TRIQK: variants seen among roughly 807,000 people sequenced by gnomAD.
TRIQK encodes triple QxxK/R motif-containing protein.
A neutral mutation model predicts 10.8 loss-of-function variants in TRIQK; 10 were observed. The ratio of observed to expected loss-of-function variants is 0.92; its 90% CI spans 0.57 to 1.57. The LOEUF (loss-of-function observed/expected upper bound fraction) is 1.57, where lower values mean the gene tolerates loss of function less well. TRIQK is among the 40% of genes most tolerant of loss of function. TRIQK has a pLI of 0.00. For missense variants in TRIQK, 107 were observed against 97.7 expected (o/e 1.09, Z -0.40); for synonymous variants, 33 against 33.7 (o/e 0.98, Z 0.07).
chr8:92,886,604 G>C lies in TRIQK; in HGVS notation c.*18C>G, dbSNP rs1262557340. 1 of 1,441,298 alleles carries C rather than the reference G, an allele frequency of 6.9e-7. No homozygotes were observed. Among genetic ancestry groups the C allele is most frequent in the Non-Finnish European group, 9.3e-7 (1 of 1,075,772 alleles). 89.3% of individuals were successfully genotyped at this position (1,441,298 alleles called of 1,614,324 possible). A position where few individuals can be genotyped will look rare whatever the true frequency, so the allele number is the denominator to read the frequency against. ...TTTCGTAAAGTTATTTCTCTTTCAT[G>C]CATTGATTGTTGCTTAGCTAATCTT... On this transcript the variant is annotated 3_prime_UTR_variant, in exon 5 of 5. Transcript: ENST00000521988.
chr8:93,009,122 T>G (rs1305247974), intron 1 of TRIQK, among the ~76,000 whole-genome samples: 2 of 152,154 alleles, frequency 1.3e-5, no homozygotes, highest in African/African-American at 4.8e-5. Context: ...TATGAGGAAC[T>G]CCACTCAATA....
chr8:93,014,554 T>C (rs966242607), intron 1 of TRIQK, among the ~76,000 whole-genome samples: 1 of 152,118 alleles, frequency 6.6e-6, no homozygotes, highest in Non-Finnish European at 1.5e-5. Context: ...TTTGTGGTTG[T>C]TCTGAGTTGT....
At chr8:92,900,017 T>G (rs895374269) in intron 3 of TRIQK, among the ~76,000 whole-genome samples, 2 of 152,226 alleles carry the variant, frequency 1.3e-5, no homozygotes, top group Non-Finnish European at 2.9e-5. Flanking sequence ...TTTGAGCATG[T>G]TTTCATACAC....
At position 92,884,847 on chromosome 8, in the gene TRIQK, G is replaced by C. The variant is rs531028746; in HGVS notation, c.*1775C>G. The C allele has an allele frequency of 3.5e-5, 16 of 455,776 alleles. No individual in the cohort carries two copies. The highest frequency in any genetic ancestry group is 3.3e-4 in the Middle Eastern group (1 of 3,032). 28.2% of individuals were successfully genotyped at this position (455,776 alleles called of 1,614,324 possible). On this transcript the variant is annotated 3_prime_UTR_variant, in exon 5 of 5. Coordinates refer to ENST00000521988, the MANE Select transcript of TRIQK (RefSeq NM_001171797.2). ...TTGTTCACGTAAATGTGATGGGAGTGGGGGGGTGGGGAGCAGTATTTCTTG... is the reference window on the plus strand; with the variant it reads ...TTGTTCACGTAAATGTGATGGGAGTCGGGGGGTGGGGAGCAGTATTTCTTG...
intron 2 of TRIQK, among the ~76,000 whole-genome samples, chr8:92,935,858 T>G: frequency 6.6e-6 from 1 of 151,496 alleles, no homozygotes; most frequent in East Asian, 1.9e-4. Context: ...AAAAACAGAC[T>G]TACCAATAGC....
chr8:92,922,342 T>G (rs1421029968), intron 2 of TRIQK: 1 of 151,918 alleles, frequency 6.6e-6, no homozygotes, highest in African/African-American at 2.4e-5. Context: ...ATCTTAATTG[T>G]GTGTGGCTAG....
chr8:92,952,495 A>G (rs184105570), intron 2 of TRIQK, among the ~76,000 whole-genome samples: 74 of 152,038 alleles, frequency 4.9e-4, no homozygotes, highest in Admixed American at 1.5e-3. Context: ...TAACATACGC[A>G]TAATGGGAAT....
In TRIQK at chr8:92,894,206, T is replaced by A. The variant is rs369360682; in HGVS notation, c.62-2132A>T. Among the ~76,000 whole-genome samples, 4 of 152,242 alleles carry A rather than the reference T, an allele frequency of 2.6e-5. No individual in the cohort carries two copies. The East Asian group carries it at 5.8e-4, about 22-fold the overall frequency. ...CAGTGCATCTGTCATAAATTTAGCA[T>A]TCTCCTTGTCGACTATGATATCCAA... is the stretch of plus-strand genomic sequence containing the variant. On this transcript the variant is annotated intron_variant, in intron 3 of 4. Transcript: ENST00000521988.
chr8:92,925,099 T>C (rs1424397678), intron 2 of TRIQK, among the ~76,000 whole-genome samples: 1 of 152,100 alleles, frequency 6.6e-6, no homozygotes, highest in Non-Finnish European at 1.5e-5. Context: ...AGAAAAGAAA[T>C]CTTAGTCGTT....
chr8:92,997,776 G>T (rs1437392456), intron 1 of TRIQK, among the ~76,000 whole-genome samples: 1 of 151,998 alleles, frequency 6.6e-6, no homozygotes, highest in Non-Finnish European at 1.5e-5. Context: ...AAATGAATGA[G>T]CCAGGGGAAC....
intron 1 of TRIQK, among the ~76,000 whole-genome samples, chr8:92,994,236 G>A (rs966600329): frequency 6.6e-6 from 1 of 151,984 alleles, no homozygotes; most frequent in Non-Finnish European, 1.5e-5. Context: ...CTATCACATA[G>A]TATTTCTCTC....
At chr8:92,994,711 T>C (rs16915419) in intron 1 of TRIQK, among the ~76,000 whole-genome samples, 39,728 of 151,810 alleles carry the variant, frequency 0.26, 6,171 homozygotes, top group African/African-American at 0.43. Flanking sequence ...TTTTATAATA[T>C]TACATCAAAC....
intron 3 of TRIQK, among the ~76,000 whole-genome samples, chr8:92,898,833 G>GTATGTA (rs1554598346): frequency 2.7e-5 from 2 of 73,902 alleles, no homozygotes; most frequent in Non-Finnish European, 5.0e-5. Flanking sequence ...GTGTGTGTGT[G>GTATGTA]TATATATATA....
At chr8:92,927,173 A>G (rs1810487427) in intron 2 of TRIQK, among the ~76,000 whole-genome samples, 1 of 152,204 alleles carries the variant, frequency 6.6e-6, no homozygotes, top group South Asian at 2.1e-4. Flanking sequence ...CTGATTGCAA[A>G]TAATATTTTT....
intron 2 of TRIQK, among the ~76,000 whole-genome samples, chr8:92,946,000 C>T (rs969884429): frequency 4.4e-4 from 66 of 151,570 alleles, no homozygotes; most frequent in Middle Eastern, 3.4e-3. Flanking sequence ...AATATCAAAA[C>T]GGAAAATTAG....
At chr8:92,911,358 G>A (rs571173155) in intron 3 of TRIQK, among the ~76,000 whole-genome samples, 2 of 151,290 alleles carry the variant, frequency 1.3e-5, no homozygotes, top group African/African-American at 4.8e-5. Flanking sequence ...AAGCGAGGAA[G>A]AGAGGAACAA....
intron 3 of TRIQK, among the ~76,000 whole-genome samples, chr8:92,907,051 A>C (rs1363085902): frequency 2.0e-5 from 3 of 152,218 alleles, no homozygotes; most frequent in Non-Finnish European, 4.4e-5. Flanking sequence ...AAATAACATG[A>C]AAATGGGAGA....
chr8:93,009,123 C>T (rs994404086), intron 1 of TRIQK, among the ~76,000 whole-genome samples: 4 of 152,146 alleles, frequency 2.6e-5, no homozygotes, highest in Non-Finnish European at 5.9e-5. Flanking sequence ...ATGAGGAACT[C>T]CACTCAATAG....
intron 1 of TRIQK, among the ~76,000 whole-genome samples, chr8:93,001,905 G>A (rs1229103868): frequency 6.6e-6 from 1 of 152,130 alleles, no homozygotes; most frequent in Non-Finnish European, 1.5e-5. Flanking sequence ...GTCAACAAAT[G>A]TCAGAAGACA....
Sources: allele counts gnomAD v4.1 joint callset (sites outside exome capture counted in the v4.1 genomes callset), GRCh38; gene constraint gnomAD v4.1.1; transcripts MANE v1.5; gene names NCBI Gene and HGNC (gene_info 2026-07-23, HGNC 2026-07-21).